Variants in VEGFA observed in about 807,000 individuals in gnomAD.
VEGFA encodes vascular endothelial growth factor A.
A neutral mutation model predicts 49.7 loss-of-function variants in VEGFA; 20 were observed. That is an observed-to-expected ratio of 0.40 (90% CI 0.28 to 0.58). The LOEUF (loss-of-function observed/expected upper bound fraction) is 0.58. VEGFA is among the 20% of genes least tolerant of loss of function. The probability of loss-of-function intolerance (pLI) is 0.40; values close to 1 mark genes in which losing one functional copy is unlikely to be tolerated. For synonymous variants in VEGFA, 219 were observed against 223.4 expected (o/e 0.98, Z 0.18); for missense variants, 505 against 553.5 (o/e 0.91, Z 0.88).
At position 43,786,259 on chromosome 6, in the gene VEGFA, ATC is replaced by A. The variant is rs1335108170; in HGVS notation, c.*1704_*1705del. The A allele has an allele frequency of 1.7e-5, 3 of 178,672 alleles. No homozygotes were observed. The highest frequency in any genetic ancestry group is 7.1e-5 in the African/African-American group (3 of 42,166). 11.1% of individuals were successfully genotyped at this position (178,672 alleles called of 1,614,324 possible). On this transcript the variant is annotated 3_prime_UTR_variant, in exon 8 of 8. Coordinates refer to ENST00000672860, the MANE Select transcript of VEGFA (RefSeq NM_003376.6). ...AAAAATAGAGAATTCTACATACTAAATCTCTCTCCTTTTTTAATTTTAATATT... is the reference window on the plus strand; with the variant it reads ...AAAAATAGAGAATTCTACATACTAAATCTCTCCTTTTTTAATTTTAATATT...
In VEGFA at chr6:43,785,726, A is replaced by G. The variant is rs1378708490; in HGVS notation, c.*1164A>G. 1.0e-5 allele frequency: 2 copies of G among 193,152 alleles called. No homozygotes were observed. Among genetic ancestry groups the G allele is most frequent in the Admixed American group, 6.1e-5 (1 of 16,304 alleles). The allele number at this position is 193,152 out of a possible 1,614,324, so 12.0% of individuals were successfully genotyped here. ...TCCCTTCCCTTCCCGAGGCACAGAG[A>G]GACAGGGCAGGATCCACGTGCCCAT... On this transcript the variant is annotated 3_prime_UTR_variant, in exon 8 of 8. Transcript: ENST00000672860.
intron 2 of VEGFA, chr6:43,775,861 T>C (rs538539724): frequency 1.3e-5 from 2 of 152,380 alleles, no homozygotes; most frequent in South Asian, 4.1e-4. Flanking sequence ...GTTTCCCCAC[T>C]GTTCTTTCTG....
At chr6:43,778,615 C>A in intron 4 of VEGFA, 79 bp downstream of exon 4, 1 of 1,455,398 alleles carries the variant, frequency 6.9e-7, no homozygotes, top group African/African-American at 1.4e-5. Context: ...GCATGCTGTA[C>A]TTTTTGGCCC....
At chr6:43,774,777 T>C (rs1300631857) in intron 2 of VEGFA, 5 of 348,638 alleles carry the variant, frequency 1.4e-5, no homozygotes, top group Non-Finnish European at 2.2e-5. Context: ...CATGTCCCAT[T>C]TGTGGGAACT....
In VEGFA at chr6:43,780,730, A is replaced by G. The variant is rs764432954; in HGVS notation, c.963-2A>G. The G allele has an allele frequency of 1.9e-6, 3 of 1,602,364 alleles. No homozygotes were observed. The highest frequency in any genetic ancestry group is 2.5e-6 in the Non-Finnish European group (3 of 1,177,792). ...CTCTGTCTCTGTTTTTTTATTTTCC[A>G]GAAAATCAGTTCGAGGAAAGGGAAA... is the stretch of plus-strand genomic sequence containing the variant. On this transcript the variant is annotated splice_acceptor_variant, in intron 5 of 7. Coordinates refer to ENST00000672860, the MANE Select transcript of VEGFA (RefSeq NM_003376.6). LOFTEE classifies it high-confidence loss of function.
chr6:43,779,308 C>T, intron 5 of VEGFA: 1 of 409,542 alleles, frequency 2.4e-6, no homozygotes. Flanking sequence ...GAGGAAATGG[C>T]CTCTTTTGGT....
rs1459081462 is a variant in VEGFA, at chr6:43,786,311, A to G, written c.*1749A>G. 3 of 179,310 alleles carry G rather than the reference A, an allele frequency of 1.7e-5. No homozygotes were observed. Among genetic ancestry groups the G allele is most frequent in the Admixed American group, 6.3e-5 (1 of 15,850 alleles). 11.1% of individuals were successfully genotyped at this position (179,310 alleles called of 1,614,324 possible). On this transcript the variant is annotated 3_prime_UTR_variant, in exon 8 of 8. Coordinates refer to ENST00000672860, the MANE Select transcript of VEGFA (RefSeq NM_003376.6). ...TTGTTATCATTTATTTATTGGTGCT[A>G]CTGTTTATCCGTAATAATTGTGGGG...
rs1323925138 is a variant in VEGFA at position 43,777,946 on chromosome 6, CT to C, written c.855+282del. 2 of 528,432 alleles carry C rather than the reference CT, an allele frequency of 3.8e-6. No homozygotes were observed. The highest frequency in any genetic ancestry group is 6.8e-6 in the Non-Finnish European group (2 of 293,360). 32.7% of individuals were successfully genotyped at this position (528,432 alleles called of 1,614,324 possible). On this transcript the variant is annotated intron_variant, in intron 3 of 7. Transcript: ENST00000672860. This position sits in a 1 kb window ranked among gnomAD's most constrained non-coding sequence, Gnocchi z 4.3. ...CTGTGTCAGGAGCCCCTCTCTCCCT[CT>C]CTTGGAGAGAGTCCTGAGTGCCCCC...
Position 43,777,100 on chromosome 6 carries a change from C to CT in VEGFA, c.659-365dup, listed in dbSNP as rs935250792. The CT allele has an allele frequency of 1.9e-5, 7 of 361,996 alleles. No homozygotes were observed. The highest frequency in any genetic ancestry group is 3.8e-5 in the Non-Finnish European group (7 of 185,536). The allele number at this position is 361,996 out of a possible 1,614,324, so 22.4% of individuals were successfully genotyped here. Reference sequence around the variant, plus strand: ...AGCTTGGCAAAGCTGGCTCTTCCTCCTTTTAGGGAAAGCTTAGAGCATCCC... The same window carrying CT: ...AGCTTGGCAAAGCTGGCTCTTCCTCCTTTTTAGGGAAAGCTTAGAGCATCCC... On this transcript the variant is annotated intron_variant, in intron 2 of 7. Transcript: ENST00000672860. The surrounding 1 kb of genome is among the most constrained non-coding windows in gnomAD (Gnocchi z 4.3).
chr6:43,770,645 G>T lies in VEGFA; in HGVS notation c.-62G>T. The T allele has an allele frequency of 6.7e-7, 1 of 1,494,596 alleles. No individual in the cohort carries two copies. Among genetic ancestry groups the T allele is most frequent in the Non-Finnish European group, 8.8e-7 (1 of 1,132,448 alleles). The allele number at this position is 1,494,596 out of a possible 1,614,324, so 92.6% of individuals were successfully genotyped here. A position where few individuals can be genotyped will look rare whatever the true frequency, so the allele number is the denominator to read the frequency against. Reference sequence around the variant, plus strand: ...GGCAAAGTGAGTGACCTGCTTTTGGGGGTGACCGCCGGAGCGCGGCGTGAG... The same window carrying T: ...GGCAAAGTGAGTGACCTGCTTTTGGTGGTGACCGCCGGAGCGCGGCGTGAG... On this transcript the variant is annotated 5_prime_UTR_variant, in exon 1 of 8. Transcript: ENST00000672860.
chr6:43,779,761 G>T, intron 5 of VEGFA: 1 of 458,776 alleles, frequency 2.2e-6, no homozygotes, highest in South Asian at 1.5e-5. Flanking sequence ...TCCTAAGGGG[G>T]ACAGACTTGC....
Position 43,779,092 on chromosome 6 carries a change from T to G in VEGFA, c.962+174T>G, listed in dbSNP as rs566679336. 14 of 788,814 alleles carry G rather than the reference T, an allele frequency of 1.8e-5. 1 individual carries two copies. The highest frequency in any genetic ancestry group is 1.6e-4 in the African/African-American group (9 of 57,954). The allele number at this position is 788,814 out of a possible 1,614,324, so 48.9% of individuals were successfully genotyped here. A position where few individuals can be genotyped will look rare whatever the true frequency, so the allele number is the denominator to read the frequency against. ...ATGGAGCCAACTCCAGGATGATGGC[T>G]CTAGGGCTAGTGAGAAAACATAGCC... On this transcript the variant is annotated intron_variant, in intron 5 of 7. Coordinates refer to ENST00000672860, the MANE Select transcript of VEGFA (RefSeq NM_003376.6).
Position 43,771,829 on chromosome 6 carries a change from G to C in VEGFA, c.606+517G>C, listed in dbSNP as rs533639728. On this transcript the variant is annotated intron_variant, in intron 1 of 7. Transcript: ENST00000672860. ...TCGGTCTCTTCAGCCCTCGCCGCGA[G>C]TTTGGGAAAAGTTTTGGGGTGGATT... Among the ~76,000 whole-genome samples the C allele has an allele frequency of 3.3e-5, 5 of 152,316 alleles. No individual in the cohort carries two copies. In the East Asian group the frequency reaches 9.6e-4, roughly 29 times the overall value.
Position 43,777,729 on chromosome 6 carries a change from G to T in VEGFA, c.855+64G>T. The T allele has an allele frequency of 6.7e-7, 1 of 1,486,508 alleles. No individual in the cohort carries two copies. The highest frequency in any genetic ancestry group is 1.2e-5 in the South Asian group (1 of 83,816). 92.1% of individuals were successfully genotyped at this position (1,486,508 alleles called of 1,614,324 possible). On this transcript the variant is annotated intron_variant, in intron 3 of 7. Coordinates refer to ENST00000672860, the MANE Select transcript of VEGFA (RefSeq NM_003376.6). This position sits in a 1 kb window ranked among gnomAD's most constrained non-coding sequence, Gnocchi z 4.3. ...GAGGGGGGTAACACTTTGGGAACAG[G>T]TGGTCCCAGGTCGTTTCCTGGCTAG...
chr6:43,781,875 A>AGG, intron 6 of VEGFA, 81 bp from the exon 7 acceptor site: 1 of 1,563,414 alleles, frequency 6.4e-7, no homozygotes. Context: ...CGGACATGTT[A>AGG]GGGGGTGTTG....
At chr6:43,779,290 G>C (rs972190985) in intron 5 of VEGFA, 1 of 436,620 alleles carries the variant, frequency 2.3e-6, no homozygotes, top group Non-Finnish European at 4.2e-6. Flanking sequence ...GCCAGCTTTT[G>C]TGTGTCAGAG....
At chr6:43,772,567 C>T (rs748374416) in intron 1 of VEGFA, among the ~76,000 whole-genome samples, 1 of 152,186 alleles carries the variant, frequency 6.6e-6, no homozygotes, top group Non-Finnish European at 1.5e-5. Flanking sequence ...CTTCCTGAAC[C>T]CTGGAAAGGA....
In VEGFA at chr6:43,770,770, C is replaced by T. The variant is rs764480708; in HGVS notation, c.64C>T (p.Arg22Trp). The T allele has an allele frequency of 1.7e-4, 245 of 1,482,002 alleles. 2 individuals carry two copies. The African/African-American group carries it at 2.1e-3, about 13-fold the overall frequency. The allele number at this position is 1,482,002 out of a possible 1,614,324, so 91.8% of individuals were successfully genotyped here. A position where few individuals can be genotyped will look rare whatever the true frequency, so the allele number is the denominator to read the frequency against. ...CTACCACCTCCTCCCCGGCCGGCGG[C>T]GGACAGTGGACGCGGCGGCGAGCCG... The change falls in exon 1 of 8, where the codon CGG (arginine) becomes TGG (tryptophan). Residue 22 changes from arginine (R) to tryptophan (W), a missense_variant. Arg to Trp is a moderately radical substitution (Grantham distance 101, BLOSUM62 -3). Transcript: ENST00000672860.
At chr6:43,780,904 C>T in intron 6 of VEGFA, 101 bp downstream of exon 6, 1 of 1,610,098 alleles carries the variant, frequency 6.2e-7, no homozygotes, top group Non-Finnish European at 8.5e-7. Flanking sequence ...CTCCCCTGGT[C>T]CTTCCCTGGC....
Sources: gnomAD v4.1 joint callset for allele counts (sites outside exome capture counted in the v4.1 genomes callset) on GRCh38, gnomAD v4.1.1 for gene constraint, Gnocchi (gnomAD v3.1) non-coding constraint, MANE v1.5 for transcripts, NCBI Gene and HGNC (gene_info 2026-07-23, HGNC 2026-07-21) for gene names.